The following TOP3A variants were observed in gnomAD, a reference collection of about 807,000 sequenced individuals.
The protein encoded by TOP3A is DNA topoisomerase III alpha, also known as DNA topoisomerase 3-alpha.
TOP3A carries 64 observed loss-of-function variants against 111.3 expected under a neutral mutation model. The ratio of observed to expected loss-of-function variants is 0.57; its 90% CI spans 0.47 to 0.71. The LOEUF (loss-of-function observed/expected upper bound fraction) is 0.71, where lower values mean the gene tolerates loss of function less well. TOP3A is among the 30% of genes least tolerant of loss of function. The pLI is 0.00. For synonymous variants in TOP3A, 484 were observed against 485.1 expected (o/e 1.00, Z 0.03); for missense variants, 1,104 against 1,285.0 (o/e 0.86, Z 2.15).
chr17:18,294,388 G>A (rs1476331553), intron 10 of TOP3A, among the ~76,000 whole-genome samples: 4 of 151,512 alleles, frequency 2.6e-5, no homozygotes, highest in East Asian at 1.9e-4. Context: ...GGAGTGCAGC[G>A]GTGTGATCTC....
chr17:18,277,346 G>T (rs1473212565), intron 18 of TOP3A, among the ~76,000 whole-genome samples: 3 of 152,170 alleles, frequency 2.0e-5, no homozygotes, highest in Non-Finnish European at 2.9e-5. Context: ...CATGTGTCTG[G>T]GTCTCACCTT....
chr17:18,310,256 C>T (rs2142991766), intron 1 of TOP3A, among the ~76,000 whole-genome samples: 1 of 151,844 alleles, frequency 6.6e-6, no homozygotes, highest in South Asian at 2.1e-4. Flanking sequence ...GAAACCCTGT[C>T]TCTACTAAAA....
chr17:18,302,987 C>T (rs1031763877), intron 5 of TOP3A: 3 of 398,174 alleles, frequency 7.5e-6, no homozygotes, highest in East Asian at 4.8e-5. Context: ...GAGATCAGAT[C>T]GTTACTGTGT....
chr17:18,299,557 A>G lies in TOP3A; in HGVS notation c.990+2T>C, dbSNP rs1981092093. On this transcript the variant is annotated splice_donor_variant, in intron 9 of 18. Coordinates refer to ENST00000321105, the MANE Select transcript of TOP3A (RefSeq NM_004618.5). LOFTEE classifies it high-confidence loss of function. ...GCCTGAAACAGCCTGTCTGGAACAT[A>G]CCACAGTGTCCAAGGCTTGAGGCCG... 1 of 1,613,874 alleles carries G rather than the reference A, an allele frequency of 6.2e-7. No individual in the cohort carries two copies. Among genetic ancestry groups the G allele is most frequent in the Admixed American group, 1.7e-5 (1 of 60,000 alleles).
intron 5 of TOP3A, 71 bp downstream of exon 5, chr17:18,305,041 A>T: frequency 7.7e-7 from 1 of 1,294,608 alleles, no homozygotes; most frequent in South Asian, 1.2e-5. Context: ...GCCCATGTGC[A>T]CATATAAACA....
rs765752207 is a variant in TOP3A, at chr17:18,301,886, T to A, written c.914A>T (p.Glu305Val). Reference sequence around the variant, plus strand: ...TCCTAGATCATTAGGGGTTCTTACCTCCACACACAACTGATAGAGAACTAG... The same window carrying A: ...TCCTAGATCATTAGGGGTTCTTACCACCACACACAACTGATAGAGAACTAG... The part of the protein sequence containing the change: ...ACLVLYQLCV[E>V]DPMATVVEVR... The change falls in exon 8 of 19, where the codon GAG becomes GTG. Residue 305 changes from glutamate to valine, a missense_variant and splice_region_variant. Coordinates refer to ENST00000321105, the MANE Select transcript of TOP3A (RefSeq NM_004618.5). 1 of 1,613,734 alleles carries A rather than the reference T, an allele frequency of 6.2e-7. No homozygotes were observed. Among genetic ancestry groups the A allele is most frequent in the Non-Finnish European group, 8.5e-7 (1 of 1,179,738 alleles).
intron 1 of TOP3A, among the ~76,000 whole-genome samples, chr17:18,313,741 T>G (rs1233214442): frequency 6.6e-6 from 1 of 152,136 alleles, no homozygotes; most frequent in Non-Finnish European, 1.5e-5. Flanking sequence ...CAGGTAAAGC[T>G]GTCAGCCAGC....
At chr17:18,298,985 C>T (rs1981046867) in intron 9 of TOP3A, among the ~76,000 whole-genome samples, 1 of 151,738 alleles carries the variant, frequency 6.6e-6, no homozygotes, top group East Asian at 1.9e-4. Flanking sequence ...TGCTGACCTT[C>T]CCTCCACTAT....
chr17:18,310,319 G>A (rs1981834599), intron 1 of TOP3A, among the ~76,000 whole-genome samples: 1 of 151,982 alleles, frequency 6.6e-6, no homozygotes, highest in Non-Finnish European at 1.5e-5. Context: ...CCAGCTACTT[G>A]GGAGGCTGAG....
At chr17:18,289,827 A>C (rs151129337) in intron 13 of TOP3A, among the ~76,000 whole-genome samples, 147 of 152,366 alleles carry the variant, frequency 9.6e-4, no homozygotes, top group African/African-American at 3.4e-3. Context: ...CATAGGCCTA[A>C]GAAACTCCCT....
In TOP3A at chr17:18,276,740, G is replaced by A. The variant is rs1016834055; in HGVS notation, c.2827+935C>T. Among the ~76,000 whole-genome samples the A allele has an allele frequency of 2.0e-5, 3 of 152,196 alleles. No homozygotes were observed. In the South Asian group the frequency reaches 6.2e-4, roughly 32 times the overall value. On this transcript the variant is annotated intron_variant, in intron 18 of 18. Transcript: ENST00000321105. ...AGCTCTGTTGTGCACTGGAGCAGGA[G>A]GAACCATTCAAAGTGCCTCCACGTA...
chr17:18,281,653 C>T (rs1597958126), intron 16 of TOP3A, among the ~76,000 whole-genome samples: 1 of 152,132 alleles, frequency 6.6e-6, no homozygotes, highest in Admixed American at 6.6e-5. Flanking sequence ...GTGACGCGAG[C>T]CCTGACACCT....
Position 18,274,894 on chromosome 17 carries a change from A to C in TOP3A, c.2914T>G (p.Ser972Ala), listed in dbSNP as rs1242595094. Reference protein sequence around the residue: ...ARSKRPRASSSDMGSTAKKPR... With the variant: ...ARSKRPRASSADMGSTAKKPR... ...TTCTTTGCTGTGGACCCCATGTCTG[A>C]GGAACTGGCCCGGGGCCTTTTGCTT... is the stretch of plus-strand genomic sequence containing the variant. Residue 972 changes from serine (S) to alanine (A), a missense_variant, in exon 19 of 19, where the codon TCA (serine) becomes GCA (alanine). By Grantham distance (99) the Ser-to-Ala change is moderately conservative. Coordinates refer to ENST00000321105, the MANE Select transcript of TOP3A (RefSeq NM_004618.5). 1 of 1,614,136 alleles carries C rather than the reference A, an allele frequency of 6.2e-7. No individual in the cohort carries two copies. Among genetic ancestry groups the C allele is most frequent in the Admixed American group, 1.7e-5 (1 of 60,020 alleles).
At chr17:18,286,296 G>T (rs1205324715) in intron 13 of TOP3A, among the ~76,000 whole-genome samples, 1 of 144,122 alleles carries the variant, frequency 6.9e-6, no homozygotes, top group East Asian at 2.1e-4. Context: ...GAGGTCAGGA[G>T]ATCAAGACCA....
chr17:18,290,918 C>A lies in TOP3A; in HGVS notation c.1391G>T (p.Arg464Leu), dbSNP rs982642604. The change falls in exon 12 of 19, where the codon CGC becomes CTC. Residue 464 changes from arginine (R) to leucine (L), a missense_variant. Coordinates refer to ENST00000321105, the MANE Select transcript of TOP3A (RefSeq NM_004618.5). ...TTVEIDIAQE[R>L]FVAHGLMILA... The stretch of plus-strand genomic sequence containing the variant: ...AATCATGAGGCCATGGGCCACAAAG[C>A]GTTCCTGAGCGATGTCGATCTCCAC... The A allele has an allele frequency of 7.4e-6, 12 of 1,614,042 alleles. No individual in the cohort carries two copies. The highest frequency in any genetic ancestry group is 1.0e-5 in the Non-Finnish European group (12 of 1,180,042).
At chr17:18,288,512 G>C (rs890841420) in intron 13 of TOP3A, among the ~76,000 whole-genome samples, 3 of 151,812 alleles carry the variant, frequency 2.0e-5, no homozygotes, top group East Asian at 1.9e-4. Flanking sequence ...CCTTTACTTA[G>C]AAATCCTGGA....
intron 15 of TOP3A, among the ~76,000 whole-genome samples, chr17:18,284,296 G>A (rs1035804192): frequency 1.6e-4 from 24 of 151,946 alleles, no homozygotes; most frequent in African/African-American, 5.6e-4. Context: ...ACAGGCGTGA[G>A]CCACCGTGCC....
Position 18,301,993 on chromosome 17 carries a change from A to C in TOP3A, c.815-8T>G, listed in dbSNP as rs771150237. ...CTTTGTGGTCATGAGTTACTATATT[A>C]AGGAGAGACAAACAGAAAGGCTGTG... On this transcript the variant is annotated splice_polypyrimidine_tract_variant and splice_region_variant and intron_variant, in intron 7 of 18. Coordinates refer to ENST00000321105, the MANE Select transcript of TOP3A (RefSeq NM_004618.5). 1.2e-6 allele frequency: 2 copies of C among 1,610,720 alleles called. No individual in the cohort carries two copies. Among genetic ancestry groups the C allele is most frequent in the East Asian group, 2.2e-5 (1 of 44,886 alleles).
At chr17:18,304,469 A>G (rs553959067) in intron 5 of TOP3A, among the ~76,000 whole-genome samples, 3 of 152,102 alleles carry the variant, frequency 2.0e-5, no homozygotes, top group South Asian at 4.2e-4. Flanking sequence ...GAAAGTAGCA[A>G]CCCCACCCTC....
Sources: allele counts gnomAD v4.1 joint callset (sites outside exome capture counted in the v4.1 genomes callset), GRCh38; gene constraint gnomAD v4.1.1; transcripts MANE v1.5; gene names NCBI Gene and HGNC (gene_info 2026-07-23, HGNC 2026-07-21).